The following BRDT variants were observed in gnomAD, a reference collection of about 807,000 sequenced individuals.
BRDT encodes the protein bromodomain testis-specific protein.
BRDT carries 77 observed loss-of-function variants against 113.9 expected under a neutral mutation model. The observed-to-expected ratio is 0.68, with a 90% confidence interval of 0.56 to 0.82. The LOEUF (loss-of-function observed/expected upper bound fraction) is 0.82, where lower values mean the gene tolerates loss of function less well. Among genes scored for constraint, BRDT ranks in the 40% least tolerant of loss-of-function variants. The pLI is 0.00. For synonymous variants in BRDT, 358 were observed against 366.5 expected (o/e 0.98, Z 0.26); for missense variants, 1,027 against 1,105.4 (o/e 0.93, Z 1.01).
At chr1:91,981,505 A>G in intron 11 of BRDT, 113 bp from the exon 12 acceptor site, 1 of 1,544,114 alleles carries the variant, frequency 6.5e-7, no homozygotes, top group Non-Finnish European at 8.8e-7. Flanking sequence ...TGGCCTCTCA[A>G]AGTGCTGAGA....
intron 18 of BRDT, among the ~76,000 whole-genome samples, chr1:92,007,204 T>C (rs1014820706): frequency 3.9e-5 from 6 of 152,228 alleles, no homozygotes; most frequent in Non-Finnish European, 1.5e-5. Context: ...CTCTCTTTTT[T>C]TTTCTGCCCG....
chr1:91,999,936 C>CGCAAATATGGCTCACT (rs1452441175), intron 15 of BRDT, among the ~76,000 whole-genome samples: 8 of 152,178 alleles, frequency 5.3e-5, no homozygotes, highest in South Asian at 2.1e-4. Context: ...AGTACAGTGG[C>CGCAAATATGGCTCACT]GCAAATATGG....
chr1:91,996,096 G>A (rs10493862), intron 15 of BRDT, among the ~76,000 whole-genome samples: 10,194 of 152,028 alleles, frequency 0.067, 401 homozygotes, highest in African/African-American at 0.097. Context: ...ATACTTGGAG[G>A]ATAACAGAAG....
At chr1:91,980,330 CACCTGGGTG>C (rs756456837) in intron 8 of BRDT, among the ~76,000 whole-genome samples, 1 of 15,964 alleles carries the variant, frequency 6.3e-5, no homozygotes, top group Non-Finnish European at 3.3e-4. Context: ...ACCGCACTCC[CACCTGGGTG>C]ACAGAGCAAG....
At chr1:91,972,077 A>T (rs1456004172) in intron 4 of BRDT, among the ~76,000 whole-genome samples, 1 of 148,240 alleles carries the variant, frequency 6.7e-6, no homozygotes, top group East Asian at 2.0e-4. Flanking sequence ...TCTAGCTTTG[A>T]TTCACCACCA....
chr1:91,979,746 C>T lies in BRDT; in HGVS notation c.1276C>T (p.Leu426Phe), dbSNP rs200388233. The T allele has an allele frequency of 6.2e-7, 1 of 1,603,796 alleles. No homozygotes were observed. ...TGAGCGAGTTAAGCGTCTTGCAAAGCTTCAGGAGCAGGTAGTTGATTGTAT... is the reference window on the plus strand; with the variant it reads ...TGAGCGAGTTAAGCGTCTTGCAAAGTTTCAGGAGCAGGTAGTTGATTGTAT... ...EDERVKRLAK[L>F]QEQLKAVHQQ... Residue 426 changes from leucine (L) to phenylalanine (F), a missense_variant, in exon 8 of 19, where the codon CTT becomes TTT. Transcript: ENST00000399546.
intron 4 of BRDT, among the ~76,000 whole-genome samples, chr1:91,974,732 C>T (rs919868490): frequency 3.9e-5 from 6 of 152,198 alleles, no homozygotes; most frequent in African/African-American, 1.2e-4. Context: ...GGTGATTCCT[C>T]AGGGATCTAG....
chr1:92,004,665 GTATTT>G (rs1687145789), intron 17 of BRDT, 46 bp downstream of exon 17: 1 of 1,477,782 alleles, frequency 6.8e-7, no homozygotes, highest in African/African-American at 1.4e-5. Context: ...GATATAGAAT[GTATTT>G]TAAATACATT....
At chr1:91,955,729 T>A (rs1681688980) in intron 1 of BRDT, among the ~76,000 whole-genome samples, 1 of 152,196 alleles carries the variant, frequency 6.6e-6, no homozygotes. Flanking sequence ...GGGAAAATTT[T>A]TAGTCATATA....
chr1:91,973,725 C>A (rs1683846350), intron 4 of BRDT, among the ~76,000 whole-genome samples: 2 of 152,170 alleles, frequency 1.3e-5, no homozygotes, highest in African/African-American at 4.8e-5. Context: ...CTTCTGCAAA[C>A]AGGGACAATT....
intron 5 of BRDT, among the ~76,000 whole-genome samples, 176 bp downstream of exon 5, chr1:91,976,614 A>G (rs1684164753): frequency 6.6e-6 from 1 of 152,140 alleles, no homozygotes. Flanking sequence ...TAGACACCTA[A>G]GAGGCTAGCC....
intron 12 of BRDT, among the ~76,000 whole-genome samples, chr1:91,985,460 G>T (rs1025258175): frequency 2.0e-4 from 30 of 152,160 alleles, no homozygotes; most frequent in Admixed American, 1.3e-3. Flanking sequence ...CTCCCAAAGT[G>T]CTGGGATTAC....
Position 91,979,623 on chromosome 1 carries a change from C to G in BRDT, c.1153C>G (p.Pro385Ala). Residue 385 changes from proline (P) to alanine (A), a missense_variant, in exon 8 of 19, where the codon CCT becomes GCT. Pro to Ala is a conservative substitution (Grantham distance 27). Coordinates refer to ENST00000399546, the MANE Select transcript of BRDT (RefSeq NM_207189.4). Reference protein sequence around the residue: ...KIPIEPVESMPLCYIKTDITE... With the variant: ...KIPIEPVESMALCYIKTDITE... ...CCCGATTGAACCTGTTGAGAGTATG[C>G]CTTTATGTTACATCAAAACAGATAT... is the stretch of plus-strand genomic sequence containing the variant. The G allele has an allele frequency of 1.9e-6, 3 of 1,613,710 alleles. No individual in the cohort carries two copies. Among genetic ancestry groups the G allele is most frequent in the Non-Finnish European group, 2.5e-6 (3 of 1,179,928 alleles).
At chr1:91,953,894 T>G (rs564871868) in intron 1 of BRDT, among the ~76,000 whole-genome samples, 1 of 152,350 alleles carries the variant, frequency 6.6e-6, no homozygotes, top group South Asian at 2.1e-4. Context: ...CATTGAATTC[T>G]TGACATTAGA....
At chr1:91,992,650 C>T (rs1685906641) in intron 14 of BRDT, among the ~76,000 whole-genome samples, 1 of 152,130 alleles carries the variant, frequency 6.6e-6, no homozygotes, top group African/African-American at 2.4e-5. Flanking sequence ...ATTCTCATGC[C>T]TCAGTCTCCG....
At chr1:91,952,777 CAAAAAA>C (rs66618367) in intron 1 of BRDT, among the ~76,000 whole-genome samples, 24 of 74,872 alleles carry the variant, frequency 3.2e-4, no homozygotes, top group Admixed American at 5.5e-4. Context: ...GACCCATCTC[CAAAAAA>C]AAAAAAAAAA....
At chr1:91,954,648 C>A (rs1297753948) in intron 1 of BRDT, among the ~76,000 whole-genome samples, 3 of 152,148 alleles carry the variant, frequency 2.0e-5, no homozygotes, top group Non-Finnish European at 4.4e-5. Flanking sequence ...TGACAACTCA[C>A]TATAAACATT....
intron 1 of BRDT, among the ~76,000 whole-genome samples, chr1:91,958,296 AC>A (rs1682026880): frequency 6.8e-6 from 1 of 146,468 alleles, no homozygotes; most frequent in African/African-American, 2.5e-5. Flanking sequence ...GTTCACTGCA[AC>A]CTTTGTCTCC....
At chr1:91,964,055 TTTGTTG>T (rs538277209) in intron 2 of BRDT, among the ~76,000 whole-genome samples, 2 of 151,886 alleles carry the variant, frequency 1.3e-5, no homozygotes, top group African/African-American at 4.8e-5. Flanking sequence ...GTTGTTTTTT[TTTGTTG>T]TTGTTGTTGT....
Sources: gnomAD v4.1 joint callset for allele counts (sites outside exome capture counted in the v4.1 genomes callset) on GRCh38, gnomAD v4.1.1 for gene constraint, MANE v1.5 for transcripts, NCBI Gene and HGNC (gene_info 2026-07-23, HGNC 2026-07-21) for gene names.